ASB10: variants seen among roughly 807,000 people sequenced by gnomAD.
The protein encoded by ASB10 is ankyrin repeat and SOCS box containing 10.
ASB10 carries 44 observed loss-of-function variants against 35.4 expected under a neutral mutation model. That is an observed-to-expected ratio of 1.24 (90% CI 0.98 to 1.60). The LOEUF (loss-of-function observed/expected upper bound fraction) is 1.60, where lower values mean the gene tolerates loss of function less well. Among genes scored for constraint, ASB10 ranks in the 40% most tolerant of loss-of-function variants. The pLI is 0.00. For synonymous variants in ASB10, 294 were observed against 280.4 expected, an observed-to-expected ratio of 1.05 and a Z score of -0.49; for missense variants, 647 against 634.3, an observed-to-expected ratio of 1.02 and a Z score of -0.22.
intron 3 of ASB10, among the ~76,000 whole-genome samples, chr7:151,179,308 A>G (rs1224839397): frequency 6.6e-6 from 1 of 152,134 alleles, no homozygotes; most frequent in African/African-American, 2.4e-5. Context: ...CTGGCTCCAG[A>G]GCCTACACTC....
chr7:151,181,758 T>G lies in ASB10; in HGVS notation c.585-300A>C, dbSNP rs4725396. 0.48 allele frequency among the ~76,000 whole-genome samples: 72,023 copies of G among 151,486 alleles called. 19,005 individuals are homozygous for G. The highest frequency in any genetic ancestry group is 0.72 in the African/African-American group (29,865 of 41,306). ...CTCCAGAGTAGCTGGGATTACAGGC[T>G]CCCACCACCACGCCCGGCTAGTTTT... On this transcript the variant is annotated intron_variant, in intron 2 of 5. Transcript: ENST00000420175.
upstream of ASB10, chr7:151,187,521 G>A (rs928502133): frequency 1.9e-6 from 3 of 1,551,378 alleles, no homozygotes; most frequent in African/African-American, 2.7e-5. This position sits in a 1 kb window ranked among gnomAD's most constrained non-coding sequence, Gnocchi z 5.3. Flanking sequence ...GTGCTGTGCG[G>A]GGGGAACAGC....
rs1477815700 is a variant in ASB10 at position 151,181,450 on chromosome 7, T to A, written c.593A>T (p.Glu198Val). The A allele has an allele frequency of 5.7e-6, 9 of 1,589,548 alleles. No individual in the cohort carries two copies. The Admixed American group carries it at 1.5e-4, about 27-fold the overall frequency. ...CRGPGTLECA[E>V]LLLRFGARVD... is the part of the protein sequence containing the mutation. ...TCTCGCTCCAAACCTGAGGAGCAGC[T>A]CCGCACACCTATTGGGGGGAGACGG... The change falls in exon 3 of 6, where the codon GAG becomes GTG. Residue 198 changes from glutamate to valine, a missense_variant. By Grantham distance (121) the Glu-to-Val change is moderately radical. Coordinates refer to ENST00000420175, the MANE Select transcript of ASB10 (RefSeq NM_001142459.2).
rs1405246188 is a variant in ASB10 at position 151,186,442 on chromosome 7, G to A, written c.534C>T (p.Asp178=). 1 of 1,590,222 alleles carries A rather than the reference G, an allele frequency of 6.3e-7. No individual in the cohort carries two copies. Among genetic ancestry groups the A allele is most frequent in the Non-Finnish European group, 8.6e-7 (1 of 1,168,646 alleles). ...GATGCAGGGGGCGTTTCCCATCCTGGTCAGCGATGTTGGGGTCGGCTCCTG... is the reference window on the plus strand; with the variant it reads ...GATGCAGGGGGCGTTTCCCATCCTGATCAGCGATGTTGGGGTCGGCTCCTG... The part of the protein sequence containing the change: ...LVAGADPNIA[D]QDGKRPLHLC... The change falls in exon 2 of 6, where the codon GAC becomes GAT. Residue 178 remains aspartate (D), a synonymous_variant. Coordinates refer to ENST00000420175, the MANE Select transcript of ASB10 (RefSeq NM_001142459.2).
intron 2 of ASB10, among the ~76,000 whole-genome samples, chr7:151,185,686 TAG>T (rs1801576499): frequency 6.6e-6 from 1 of 152,224 alleles, no homozygotes; most frequent in African/African-American, 2.4e-5. Context: ...CTATAGGATG[TAG>T]AGTTAGTTCA....
chr7:151,187,781 G>A, upstream of ASB10: 1 of 1,443,706 alleles, frequency 6.9e-7, no homozygotes, highest in Middle Eastern at 2.0e-4. This position sits in a 1 kb window ranked among gnomAD's most constrained non-coding sequence, Gnocchi z 5.3. Context: ...GGTGGACTGG[G>A]CAGGTGGGTG....
At chr7:151,187,515 T>C (rs552803353), upstream of ASB10, 696 of 1,551,418 alleles carry the variant, frequency 4.5e-4, 7 homozygotes, top group East Asian at 0.016. This position sits in a 1 kb window ranked among gnomAD's most constrained non-coding sequence, Gnocchi z 5.3. Context: ...TCGGCTGTGC[T>C]GTGCGGGGGG....
At chr7:151,178,205 T>C (rs1170521649) in intron 3 of ASB10, among the ~76,000 whole-genome samples, 1 of 152,058 alleles carries the variant, frequency 6.6e-6, no homozygotes, top group Admixed American at 6.5e-5. Context: ...GCCGGGATCG[T>C]GCCACGGCAC....
chr7:151,180,929 GC>G lies in ASB10; in HGVS notation c.1104+9del. ...CATGGTGGCCCTCCTGCTGCCTGCAGCCCCCATACCTTGGGGAGGGCCCCTG... is the reference window on the plus strand; with the variant it reads ...CATGGTGGCCCTCCTGCTGCCTGCAGCCCCATACCTTGGGGAGGGCCCCTG... On this transcript the variant is annotated intron_variant, in intron 3 of 5. Transcript: ENST00000420175. 1.3e-6 allele frequency: 2 copies of G among 1,499,428 alleles called. No individual in the cohort carries two copies. Among genetic ancestry groups the G allele is most frequent in the East Asian group, 2.4e-5 (1 of 42,190 alleles). The allele number at this position is 1,499,428 out of a possible 1,614,324, so 92.9% of individuals were successfully genotyped here.
At position 151,187,044 on chromosome 7, in the gene ASB10, C is replaced by G; in HGVS notation, c.87G>C (p.Glu29Asp). 6.2e-7 allele frequency: 1 copy of G among 1,610,152 alleles called. No homozygotes were observed. Among genetic ancestry groups the G allele is most frequent in the Non-Finnish European group, 8.5e-7 (1 of 1,177,850 alleles). Residue 29 changes from glutamate (E) to aspartate (D), a missense_variant, in exon 1 of 6, where the codon GAG becomes GAC. Glu to Asp is a conservative substitution (Grantham distance 45). Coordinates refer to ENST00000420175, the MANE Select transcript of ASB10 (RefSeq NM_001142459.2). The surrounding 1 kb of genome is among the most constrained non-coding windows in gnomAD (Gnocchi z 5.3). Reference sequence around the variant, plus strand: ...GCTCCTCAGACCCTCTGCTGGGCTTCTCCACCAGCCTGGCACAGAGGGGGT... The same window carrying G: ...GCTCCTCAGACCCTCTGCTGGGCTTGTCCACCAGCCTGGCACAGAGGGGGT... ...DRHPLCARLV[E>D]KPSRGSEEHL...
chr7:151,180,686 C>T (rs1389918739), intron 3 of ASB10, among the ~76,000 whole-genome samples: 7 of 152,208 alleles, frequency 4.6e-5, no homozygotes, highest in African/African-American at 1.2e-4. Flanking sequence ...CATGCACATA[C>T]ATGCATGAAC....
Position 151,186,541 on chromosome 7 carries a change from G to A in ASB10, c.435C>T (p.Ala145=), listed in dbSNP as rs779296545. Residue 145 remains alanine (A), a synonymous_variant, in exon 2 of 6, where the codon GCC becomes GCT. Transcript: ENST00000420175. ...LLRRRARPDS[A]PGGRTALHEA... is the part of the protein sequence containing the mutation. ...CGTGCAGGGCGGTGCGGCCCCCAGG[G>A]GCACTGTCTGGCCTTGCTCGCCGCC... The A allele has an allele frequency of 1.2e-6, 2 of 1,603,992 alleles. No individual in the cohort carries two copies. Among genetic ancestry groups the A allele is most frequent in the Admixed American group, 1.7e-5 (1 of 58,662 alleles).
Position 151,186,830 on chromosome 7 carries a change from T to TGAAG in ASB10, c.297_300dup (p.Asn101LeufsTer79), listed in dbSNP as rs1187074461. The TGAAG allele has an allele frequency of 6.2e-7, 1 of 1,600,038 alleles. No homozygotes were observed. The highest frequency in any genetic ancestry group is 1.3e-5 in the African/African-American group (1 of 74,698). On this transcript the variant is annotated frameshift_variant, in exon 1 of 6. Transcript: ENST00000420175. LOFTEE classifies it high-confidence loss of function. ...CGGCCCGTACTCAGAGCACGGATGTTGAAGCGGAAATCCCTCCATCGCTCT... is the reference window on the plus strand; with the variant it reads ...CGGCCCGTACTCAGAGCACGGATGTTGAAGGAAGCGGAAATCCCTCCATCGCTCT...
chr7:151,187,143 A>C lies in ASB10; in HGVS notation c.-13T>G, dbSNP rs758572586. ...AACTCATGAGCATGTGGGCAGGGAA[A>C]GGGGAGTGGGGAGGAGGAGAGGTAT... On this transcript the variant is annotated 5_prime_UTR_variant, in exon 1 of 6. Coordinates refer to ENST00000420175, the MANE Select transcript of ASB10 (RefSeq NM_001142459.2). The surrounding 1 kb of genome is among the most constrained non-coding windows in gnomAD (Gnocchi z 5.3). 6.4e-7 allele frequency: 1 copy of C among 1,573,072 alleles called. No homozygotes were observed. The highest frequency in any genetic ancestry group is 8.6e-7 in the Non-Finnish European group (1 of 1,158,748).
At chr7:151,184,976 C>G (rs1463699006) in intron 2 of ASB10, among the ~76,000 whole-genome samples, 1 of 151,730 alleles carries the variant, frequency 6.6e-6, no homozygotes, top group South Asian at 2.1e-4. Context: ...GAGCCGAGAT[C>G]GCACCACTGC....
chr7:151,177,219 A>G (rs113784331), intron 3 of ASB10, among the ~76,000 whole-genome samples: 11 of 152,360 alleles, frequency 7.2e-5, no homozygotes, highest in African/African-American at 2.2e-4. Flanking sequence ...TAACCTTTCT[A>G]TTGTGCATAA....
rs1169751996 is a variant in ASB10 at position 151,181,404 on chromosome 7, T to C, written c.639A>G (p.Glu213=). The C allele has an allele frequency of 6.2e-7, 1 of 1,611,124 alleles. No individual in the cohort carries two copies. Among genetic ancestry groups the C allele is most frequent in the Non-Finnish European group, 8.5e-7 (1 of 1,178,724 alleles). ...FGARVDGRSE[E]EEETPLHVAA... is the part of the protein sequence containing the mutation. ...CCACATGCAAAGGGGTCTCCTCTTC[T>C]TCCTCGGACCGACCATCCACTCTCG... is the stretch of plus-strand genomic sequence containing the variant. Residue 213 remains glutamate, a synonymous_variant, in exon 3 of 6, where the codon GAA becomes GAG. Coordinates refer to ENST00000420175, the MANE Select transcript of ASB10 (RefSeq NM_001142459.2).
chr7:151,186,560 C>T lies in ASB10; in HGVS notation c.416G>A (p.Arg139Gln), dbSNP rs750025855. 12 of 1,604,356 alleles carry T rather than the reference C, an allele frequency of 7.5e-6. No homozygotes were observed. The highest frequency in any genetic ancestry group is 2.7e-5 in the African/African-American group (2 of 74,758). ...CCCAGGGGCACTGTCTGGCCTTGCT[C>T]GCCGCCTCAGCAGCAGCCGCAGGAC... ...TEVLRLLLRR[R>Q]ARPDSAPGGR... The change falls in exon 2 of 6, where the codon CGA becomes CAA. Residue 139 changes from arginine to glutamine, a missense_variant. Coordinates refer to ENST00000420175, the MANE Select transcript of ASB10 (RefSeq NM_001142459.2).
chr7:151,175,970 G>A lies in ASB10; in HGVS notation c.*1-4C>T. ...CCTCTCAAAAGGCCATGGACATCTGGAAGGAGAGGTTTGGATTCAGAGGCT... is the reference window on the plus strand; with the variant it reads ...CCTCTCAAAAGGCCATGGACATCTGAAAGGAGAGGTTTGGATTCAGAGGCT... On this transcript the variant is annotated splice_region_variant and splice_polypyrimidine_tract_variant and intron_variant, in intron 5 of 5. Transcript: ENST00000420175. 9.2e-7 allele frequency: 1 copy of A among 1,089,042 alleles called. No homozygotes were observed. The highest frequency in any genetic ancestry group is 1.3e-6 in the Non-Finnish European group (1 of 787,300). 67.5% of individuals were successfully genotyped at this position (1,089,042 alleles called of 1,614,324 possible). A position where few individuals can be genotyped will look rare whatever the true frequency, so the allele number is the denominator to read the frequency against.
Sources: gnomAD v4.1 joint callset for allele counts (sites outside exome capture counted in the v4.1 genomes callset) on GRCh38, gnomAD v4.1.1 for gene constraint, Gnocchi (gnomAD v3.1) non-coding constraint, MANE v1.5 for transcripts, NCBI Gene and HGNC (gene_info 2026-07-23, HGNC 2026-07-21) for gene names.